FTCDNL1: variants seen among roughly 807,000 people sequenced by gnomAD.
FTCDNL1 encodes formiminotransferase N-terminal subdomain-containing protein.
Under a neutral mutation model 5.9 loss-of-function variants are expected in FTCDNL1, and 11 were observed. The ratio of observed to expected loss-of-function variants is 1.87; its 90% CI spans 1.18 to 3.10. The LOEUF is 3.10. Ranked by LOEUF, FTCDNL1 falls within the 30% of genes most tolerant of loss-of-function variation. The probability of loss-of-function intolerance (pLI) is 0.00; values close to 1 mark genes in which losing one functional copy is unlikely to be tolerated. For missense variants in FTCDNL1, 115 were observed against 65.5 expected, an observed-to-expected ratio of 1.76 and a Z score of -2.61; for synonymous variants, 58 against 24.8, an observed-to-expected ratio of 2.34 and a Z score of -3.99.
At chr2:199,805,437 A>G (rs1276388593), downstream of FTCDNL1, among the ~76,000 whole-genome samples, 1 of 152,116 alleles carries the variant, frequency 6.6e-6, no homozygotes, top group Non-Finnish European at 1.5e-5. Flanking sequence ...TGTCTACTAA[A>G]CATAAAAATG....
chr2:199,827,715 T>C (rs1702121345), intron 3 of FTCDNL1, among the ~76,000 whole-genome samples: 1 of 152,122 alleles, frequency 6.6e-6, no homozygotes, highest in Admixed American at 6.5e-5. Flanking sequence ...GGATAGAGAT[T>C]GCATAAATTA....
the FTCDNL1 span, among the ~76,000 whole-genome samples, chr2:199,712,210 A>C: frequency 0.84 from 128,010 of 152,132 alleles, 54,455 homozygotes; most frequent in South Asian, 0.93. Flanking sequence ...ATTTTATTCA[A>C]AATTGATTAA....
At position 199,810,295 on chromosome 2, in the gene FTCDNL1, T is replaced by A. The variant is rs77584397; in HGVS notation, c.*2410A>T. Among the ~76,000 whole-genome samples the A allele has an allele frequency of 2.3e-3, 347 of 152,270 alleles. 7 individuals are homozygous for A. The East Asian group carries it at 0.058, about 26-fold the overall frequency. Reference sequence around the variant, plus strand: ...GAATTAGGTTAATATCAGATTAAAATGAATCTCAAAACCAGTCTTAATTAG... The same window carrying A: ...GAATTAGGTTAATATCAGATTAAAAAGAATCTCAAAACCAGTCTTAATTAG... On this transcript the variant is annotated 3_prime_UTR_variant, in exon 5 of 5. Coordinates refer to ENST00000420128, the MANE Select transcript of FTCDNL1 (RefSeq NM_001363886.2).
intron 3 of FTCDNL1, among the ~76,000 whole-genome samples, chr2:199,790,766 G>A (rs1012155607): frequency 6.6e-6 from 1 of 152,126 alleles, no homozygotes; most frequent in African/African-American, 2.4e-5. Flanking sequence ...TTACACTTGA[G>A]TGGCAAAAAT....
At chr2:199,676,209 A>G in the FTCDNL1 span, among the ~76,000 whole-genome samples, 4 of 152,222 alleles carry the variant, frequency 2.6e-5, no homozygotes, top group African/African-American at 4.8e-5. Context: ...AAGAGAGAAC[A>G]GATATTGAGA....
At chr2:199,704,848 G>GC in the FTCDNL1 span, among the ~76,000 whole-genome samples, 1 of 151,996 alleles carries the variant, frequency 6.6e-6, no homozygotes, top group Non-Finnish European at 1.5e-5. Context: ...TTGTAAACCA[G>GC]CCCTATCCAC....
intron 3 of FTCDNL1, chr2:199,844,407 C>T: frequency 1.6e-6 from 1 of 632,568 alleles, no homozygotes. Context: ...CACTATTCCA[C>T]TGTGACACCA....
the FTCDNL1 span, among the ~76,000 whole-genome samples, chr2:199,687,402 C>T: frequency 7.2e-5 from 11 of 152,250 alleles, no homozygotes; most frequent in South Asian, 1.5e-3. Flanking sequence ...ATGAAAGTTC[C>T]GATTTTGAAC....
chr2:199,671,091 G>A, the FTCDNL1 span, among the ~76,000 whole-genome samples: 1 of 151,308 alleles, frequency 6.6e-6, no homozygotes. Flanking sequence ...CATTAGGAGA[G>A]TACCTACTGC....
At chr2:199,729,955 T>C in the FTCDNL1 span, among the ~76,000 whole-genome samples, 1 of 152,164 alleles carries the variant, frequency 6.6e-6, no homozygotes, top group African/African-American at 2.4e-5. Context: ...CAAACTATAC[T>C]ACCAGGCTAC....
intron 3 of FTCDNL1, among the ~76,000 whole-genome samples, chr2:199,821,775 T>G (rs1423827144): frequency 4.6e-5 from 7 of 152,234 alleles, no homozygotes; most frequent in Admixed American, 1.3e-4. Flanking sequence ...GGAAATGTTC[T>G]TTCTCTGAGT....
intron 3 of FTCDNL1, among the ~76,000 whole-genome samples, chr2:199,801,937 CA>C (rs543444146): frequency 2.7e-3 from 303 of 111,966 alleles, no homozygotes; most frequent in Non-Finnish European, 2.9e-3. Context: ...GACTCCATCT[CA>C]AAAAAAAAAA....
chr2:199,795,444 C>T (rs1290492427), intron 3 of FTCDNL1, among the ~76,000 whole-genome samples: 20 of 152,178 alleles, frequency 1.3e-4, no homozygotes, highest in Admixed American at 1.2e-3. Flanking sequence ...CTTACAAAAA[C>T]GTCCTCCTTA....
At chr2:199,799,264 G>A (rs562212641) in intron 3 of FTCDNL1, among the ~76,000 whole-genome samples, 9 of 151,758 alleles carry the variant, frequency 5.9e-5, no homozygotes, top group East Asian at 1.9e-4. Context: ...TTTCTTCTTC[G>A]TGTCAAAATA....
At chr2:199,693,569 C>T in the FTCDNL1 span, among the ~76,000 whole-genome samples, 1,539 of 152,174 alleles carry the variant, frequency 0.01, 31 homozygotes, top group African/African-American at 0.035. Context: ...AATGTCTACA[C>T]GGATAATTAT....
the FTCDNL1 span, among the ~76,000 whole-genome samples, chr2:199,739,558 A>G: frequency 0.81 from 123,114 of 152,122 alleles, 52,160 homozygotes; most frequent in East Asian, 1. Context: ...AGAGGCCTCC[A>G]TACAGGAGTT....
chr2:199,688,230 C>CAA, the FTCDNL1 span, among the ~76,000 whole-genome samples: 16,569 of 120,032 alleles, frequency 0.14, 1,309 homozygotes, highest in Middle Eastern at 0.25. Context: ...GACTCTGTCT[C>CAA]AAAAAAAAAA....
At chr2:199,825,563 G>C (rs1375820227) in intron 3 of FTCDNL1, among the ~76,000 whole-genome samples, 1 of 152,180 alleles carries the variant, frequency 6.6e-6, no homozygotes, top group East Asian at 1.9e-4. Context: ...TGAGTGGCTT[G>C]GTGCCCTCCC....
At chr2:199,680,600 G>A in the FTCDNL1 span, among the ~76,000 whole-genome samples, 1 of 152,122 alleles carries the variant, frequency 6.6e-6, no homozygotes, top group Non-Finnish European at 1.5e-5. Context: ...CAGATGTAGG[G>A]GGATAAATAA....
Sources: allele counts gnomAD v4.1 joint callset (sites outside exome capture counted in the v4.1 genomes callset), GRCh38; gene constraint gnomAD v4.1.1; transcripts MANE v1.5; gene names NCBI Gene and HGNC (gene_info 2026-07-23, HGNC 2026-07-21).